Variants in RPRD1A observed in about 807,000 individuals in gnomAD.
RPRD1A encodes the protein regulation of nuclear pre-mRNA domain containing 1A, also known as regulation of nuclear pre-mRNA domain-containing protein 1A.
Under a neutral mutation model 37.8 loss-of-function variants are expected in RPRD1A, and 9 were observed. The observed-to-expected ratio is 0.24, with a 90% CI of 0.14 to 0.42. The LOEUF is 0.42. Ranked by LOEUF, RPRD1A falls within the 10% of genes least tolerant of loss-of-function variation. RPRD1A has a pLI of 1.00. For missense variants in RPRD1A, 255 were observed against 371.0 expected (o/e 0.69, Z 2.57); for synonymous variants, 138 against 139.7 (o/e 0.99, Z 0.08).
intron 6 of RPRD1A, among the ~76,000 whole-genome samples, chr18:36,004,016 T>C (rs978284971): frequency 3.4e-5 from 5 of 146,764 alleles, no homozygotes. Flanking sequence ...TTTTTTTTTT[T>C]TTTTTTTTGT....
chr18:36,042,423 C>G (rs1022131058), intron 1 of RPRD1A, among the ~76,000 whole-genome samples: 8 of 152,232 alleles, frequency 5.3e-5, no homozygotes, highest in African/African-American at 1.9e-4. Context: ...TGGCCTAGAC[C>G]TGTGGCTTTA....
intron 1 of RPRD1A, among the ~76,000 whole-genome samples, chr18:36,049,853 T>A (rs1913247378): frequency 6.6e-6 from 1 of 152,202 alleles, no homozygotes. Context: ...AATTACTGAA[T>A]CACGGTAATA....
At chr18:36,041,244 C>A (rs998242223) in intron 1 of RPRD1A, among the ~76,000 whole-genome samples, 3 of 152,108 alleles carry the variant, frequency 2.0e-5, no homozygotes, top group Non-Finnish European at 4.4e-5. Flanking sequence ...TCTCCTGAAA[C>A]CAAGGAGTTA....
At chr18:36,061,159 T>C (rs1421706621) in intron 1 of RPRD1A, among the ~76,000 whole-genome samples, 1 of 152,138 alleles carries the variant, frequency 6.6e-6, no homozygotes, top group Non-Finnish European at 1.5e-5. Flanking sequence ...GCAGAGATGA[T>C]TTCCCTCTAA....
intron 6 of RPRD1A, among the ~76,000 whole-genome samples, chr18:36,009,826 A>AT (rs1910058110): frequency 3.9e-5 from 6 of 152,164 alleles, no homozygotes; most frequent in Admixed American, 3.3e-4. Flanking sequence ...TTCTTATTTA[A>AT]TTTTGATTAA....
chr18:36,003,761 A>G (rs1909563646), intron 6 of RPRD1A, among the ~76,000 whole-genome samples: 1 of 152,178 alleles, frequency 6.6e-6, no homozygotes, highest in South Asian at 2.1e-4. Flanking sequence ...TGATATCAAA[A>G]TTATCAATAA....
At chr18:36,000,739 AGAT>A (rs1283551904) in intron 6 of RPRD1A, among the ~76,000 whole-genome samples, 1 of 152,202 alleles carries the variant, frequency 6.6e-6, no homozygotes, top group Non-Finnish European at 1.5e-5. Flanking sequence ...CATGTATTAT[AGAT>A]GATGAAACTA....
At chr18:36,009,635 TG>T (rs1255378922) in intron 6 of RPRD1A, among the ~76,000 whole-genome samples, 1 of 152,248 alleles carries the variant, frequency 6.6e-6, no homozygotes, top group African/African-American at 2.4e-5. Context: ...TCATTTCCTA[TG>T]TCTCTATTTA....
At chr18:35,993,561 C>A (rs951913138) in intron 6 of RPRD1A, among the ~76,000 whole-genome samples, 3 of 152,176 alleles carry the variant, frequency 2.0e-5, no homozygotes, top group Non-Finnish European at 4.4e-5. Context: ...TTAACCTCGA[C>A]ATATAAGATG....
chr18:36,052,608 G>T (rs1338754771), intron 1 of RPRD1A, among the ~76,000 whole-genome samples: 2 of 151,926 alleles, frequency 1.3e-5, no homozygotes, highest in African/African-American at 4.8e-5. Context: ...ATTTTTGTTG[G>T]GGGCGGGGGG....
intron 6 of RPRD1A, among the ~76,000 whole-genome samples, chr18:36,016,520 G>T (rs1910590055): frequency 6.6e-6 from 1 of 152,142 alleles, no homozygotes; most frequent in African/African-American, 2.4e-5. Flanking sequence ...ACCGCGCCCG[G>T]CCTGTTTTGT....
Position 36,019,908 on chromosome 18 carries a change from C to T in RPRD1A, c.789+6992G>A, listed in dbSNP as rs185314399. Among the ~76,000 whole-genome samples the T allele has an allele frequency of 1.0e-3, 158 of 152,230 alleles. 2 individuals carry two copies. Among genetic ancestry groups the T allele is most frequent in the African/African-American group, 3.6e-3 (148 of 41,542 alleles). On this transcript the variant is annotated intron_variant, in intron 6 of 6. Transcript: ENST00000399022. ...CACAAAAATTAGACAGCCGTGATGG[C>T]GCGCACCTGTAATCCCAGCTACTCA...
chr18:36,030,315 T>A (rs1911682944), intron 4 of RPRD1A, among the ~76,000 whole-genome samples: 1 of 119,456 alleles, frequency 8.4e-6, no homozygotes, highest in African/African-American at 3.7e-5. Flanking sequence ...TGAAACCCCA[T>A]CTCTATTAAA....
In RPRD1A at chr18:36,001,998, C is replaced by CAGGTA. The variant is rs373989816; in HGVS notation, c.790-8703_790-8699dup. ...TCCATAATTTATCTTTGTTACGCTA[C>CAGGTA]AGGTAAGGTAAGGTGATTCCCCCTC... On this transcript the variant is annotated intron_variant, in intron 6 of 6. Transcript: ENST00000399022. 4.2e-3 allele frequency among the ~76,000 whole-genome samples: 645 copies of CAGGTA among 152,272 alleles called. 3 individuals carry two copies. The highest frequency in any genetic ancestry group is 0.015 in the African/African-American group (608 of 41,546).
intron 6 of RPRD1A, among the ~76,000 whole-genome samples, chr18:36,017,219 G>A (rs562698412): frequency 1.7e-4 from 26 of 152,148 alleles, no homozygotes; most frequent in Admixed American, 1.6e-3. Context: ...CTGATCACCT[G>A]AGCCCTGGGA....
chr18:36,019,102 A>ATTTT lies in RPRD1A; in HGVS notation c.789+7794_789+7797dup, dbSNP rs946306446. ...TCCAAAAGTGTAATGGGGACCATTG[A>ATTTT]TTTTTTTTTTTTTTTTTTTTTTGGA... On this transcript the variant is annotated intron_variant, in intron 6 of 6. Transcript: ENST00000399022. 1.6e-3 allele frequency among the ~76,000 whole-genome samples: 192 copies of ATTTT among 118,522 alleles called. 2 individuals carry two copies. Among genetic ancestry groups the ATTTT allele is most frequent in the African/African-American group, 6.1e-3 (183 of 29,916 alleles). The allele number at this position is 118,522 out of a possible 152,430, so 77.8% of individuals were successfully genotyped here.
intron 6 of RPRD1A, among the ~76,000 whole-genome samples, chr18:36,005,105 T>C (rs893298026): frequency 3.9e-5 from 6 of 151,970 alleles, no homozygotes; most frequent in Non-Finnish European, 7.4e-5. Flanking sequence ...ATCGAGACCA[T>C]TGTGGCTAAC....
At chr18:36,008,224 T>C (rs2144188830) in intron 6 of RPRD1A, among the ~76,000 whole-genome samples, 1 of 152,240 alleles carries the variant, frequency 6.6e-6, no homozygotes, top group Middle Eastern at 3.4e-3. Flanking sequence ...TTACCTAAGA[T>C]CTTACTAATT....
intron 1 of RPRD1A, among the ~76,000 whole-genome samples, chr18:36,064,607 C>T (rs538279751): frequency 3.9e-5 from 6 of 152,210 alleles, no homozygotes; most frequent in East Asian, 1.9e-4. Context: ...CTGTGTGTCT[C>T]GCTAAAGGAT....
Sources: gnomAD v4.1 joint callset for allele counts (sites outside exome capture counted in the v4.1 genomes callset) on GRCh38, gnomAD v4.1.1 for gene constraint, MANE v1.5 for transcripts, NCBI Gene and HGNC (gene_info 2026-07-23, HGNC 2026-07-21) for gene names.